Variants in RPN2 observed in about 807,000 individuals in gnomAD.
RPN2 encodes dolichyl-diphosphooligosaccharide--protein glycosyltransferase subunit 2.
Under a neutral mutation model 71.4 loss-of-function variants are expected in RPN2, and 29 were observed. The ratio of observed to expected loss-of-function variants is 0.41; its 90% CI spans 0.30 to 0.55. RPN2 has a LOEUF of 0.55. Ranked by LOEUF, RPN2 falls within the 20% of genes least tolerant of loss-of-function variation. The pLI is 0.35. For missense variants in RPN2, 726 were observed against 774.1 expected (o/e 0.94, Z 0.74); for synonymous variants, 308 against 305.0 (o/e 1.01, Z -0.10).
At chr20:37,225,199 G>GA (rs1227800090) in intron 10 of RPN2, among the ~76,000 whole-genome samples, 3 of 151,964 alleles carry the variant, frequency 2.0e-5, no homozygotes, top group Admixed American at 6.6e-5. Context: ...CAGTGTCCAG[G>GA]AAAAAAATAT....
At chr20:37,208,218 C>T (rs1031254553) in intron 7 of RPN2, among the ~76,000 whole-genome samples, 2 of 149,996 alleles carry the variant, frequency 1.3e-5, no homozygotes, top group African/African-American at 4.9e-5. Flanking sequence ...TGCAGTGAGC[C>T]GAGACTGCAC....
intron 2 of RPN2, 107 bp from the exon 3 acceptor site, chr20:37,198,290 T>G: frequency 6.3e-7 from 1 of 1,590,324 alleles, no homozygotes. Flanking sequence ...TGTAGCTCAT[T>G]CCTTAAGCCA....
At chr20:37,214,749 G>T (rs1236698259) in intron 9 of RPN2, among the ~76,000 whole-genome samples, 1 of 152,124 alleles carries the variant, frequency 6.6e-6, no homozygotes, top group Non-Finnish European at 1.5e-5. Context: ...ATATGATGTC[G>T]ATATGTCTTA....
In RPN2 at chr20:37,179,385, T is replaced by C. The variant is rs777736070; in HGVS notation, c.13+16T>C. ...GCGCCGCCGGGTGAGGAGTTGCGCG[T>C]GGCTTTGGGGAGAGGGCTGTCGCCC... On this transcript the variant is annotated intron_variant, in intron 1 of 16. Transcript: ENST00000237530. 4 of 294,404 alleles carry C rather than the reference T, an allele frequency of 1.4e-5. No individual in the cohort carries two copies. The African/African-American group carries it at 4.6e-4, about 34-fold the overall frequency. The allele number at this position is 294,404 out of a possible 1,614,324, so 18.2% of individuals were successfully genotyped here.
intron 4 of RPN2, among the ~76,000 whole-genome samples, chr20:37,199,720 A>G (rs975319275): frequency 1.3e-5 from 2 of 151,948 alleles, no homozygotes; most frequent in South Asian, 2.1e-4. Context: ...AGACTCTACT[A>G]CTCTGCAAAA....
intron 6 of RPN2, among the ~76,000 whole-genome samples, chr20:37,205,606 T>G (rs548848810): frequency 2.0e-5 from 3 of 152,340 alleles, no homozygotes; most frequent in African/African-American, 7.2e-5. Context: ...TTATGCATTA[T>G]GAGTTTTGTG....
intron 16 of RPN2, among the ~76,000 whole-genome samples, chr20:37,237,417 T>C (rs1310387248): frequency 6.6e-6 from 1 of 152,232 alleles, no homozygotes; most frequent in Non-Finnish European, 1.5e-5. Context: ...AGAATTGCTT[T>C]CACCTCTGGA....
At chr20:37,205,377 A>C (rs528235119) in intron 6 of RPN2, among the ~76,000 whole-genome samples, 1 of 152,140 alleles carries the variant, frequency 6.6e-6, no homozygotes, top group Non-Finnish European at 1.5e-5. Flanking sequence ...TCTATCACAC[A>C]TCCGCCAAGA....
chr20:37,234,455 G>A (rs954131889), intron 15 of RPN2, among the ~76,000 whole-genome samples: 3 of 152,112 alleles, frequency 2.0e-5, no homozygotes, highest in Admixed American at 2.0e-4. Context: ...CTTTCCCCAC[G>A]CTATCGATCT....
chr20:37,191,026 C>T (rs1376022502), intron 2 of RPN2, among the ~76,000 whole-genome samples: 1 of 152,190 alleles, frequency 6.6e-6, no homozygotes, highest in Non-Finnish European at 1.5e-5. Flanking sequence ...CCCCTAGATA[C>T]ACTGTTGCCT....
intron 1 of RPN2, among the ~76,000 whole-genome samples, chr20:37,182,644 C>T (rs1201600722): frequency 1.3e-5 from 2 of 152,196 alleles, no homozygotes; most frequent in African/African-American, 4.8e-5. Flanking sequence ...ATCCGCCTGC[C>T]TCAGCCTCCC....
intron 1 of RPN2, among the ~76,000 whole-genome samples, chr20:37,180,249 G>A (rs937881219): frequency 6.6e-6 from 1 of 152,210 alleles, no homozygotes; most frequent in South Asian, 2.1e-4. Flanking sequence ...AGAAGTTCAG[G>A]ATAGTAAAGT....
At position 37,233,641 on chromosome 20, in the gene RPN2, C is replaced by T. The variant is rs183068991; in HGVS notation, c.1678-379C>T. On this transcript the variant is annotated intron_variant, in intron 14 of 16. Transcript: ENST00000237530. Reference sequence around the variant, plus strand: ...CAAGAGCGTGAATGCCACCAGCTGCCGGTGGGTTTATCTTACCAATTCTTA... The same window carrying T: ...CAAGAGCGTGAATGCCACCAGCTGCTGGTGGGTTTATCTTACCAATTCTTA... Among the ~76,000 whole-genome samples the T allele has an allele frequency of 2.9e-3, 437 of 152,280 alleles. 2 individuals carry two copies. Among genetic ancestry groups the T allele is most frequent in the African/African-American group, 9.9e-3 (410 of 41,544 alleles).
chr20:37,213,879 T>C lies in RPN2; in HGVS notation c.1092+14T>C, dbSNP rs368795461. On this transcript the variant is annotated intron_variant, in intron 9 of 16. Transcript: ENST00000237530. Reference sequence around the variant, plus strand: ...AATACCGTAGAGGTAGGTGTTTTTCTTTCCTTCCCATTGCCATGTTAGTAT... The same window carrying C: ...AATACCGTAGAGGTAGGTGTTTTTCCTTCCTTCCCATTGCCATGTTAGTAT... 1.3e-6 allele frequency: 2 copies of C among 1,581,154 alleles called. No individual in the cohort carries two copies. Among genetic ancestry groups the C allele is most frequent in the African/African-American group, 2.7e-5 (2 of 74,264 alleles).
At chr20:37,197,893 G>A (rs529891262) in intron 2 of RPN2, among the ~76,000 whole-genome samples, 1 of 152,256 alleles carries the variant, frequency 6.6e-6, no homozygotes, top group South Asian at 2.1e-4. Flanking sequence ...TGCACCCAGC[G>A]TTAAGCTCAT....
intron 2 of RPN2, among the ~76,000 whole-genome samples, chr20:37,189,174 A>T (rs1200099797): frequency 1.3e-5 from 2 of 152,064 alleles, no homozygotes. Flanking sequence ...ACCTCAGGTG[A>T]TCCACCCGCC....
intron 2 of RPN2, among the ~76,000 whole-genome samples, chr20:37,195,755 A>G (rs1356826606): frequency 2.0e-5 from 3 of 152,112 alleles, no homozygotes; most frequent in Non-Finnish European, 4.4e-5. Flanking sequence ...ACACATTTTC[A>G]GCTGCCTTGC....
rs1000328675 is a variant in RPN2, at chr20:37,198,991, G to A, written c.304-59G>A. 6 of 1,390,770 alleles carry A rather than the reference G, an allele frequency of 4.3e-6. No individual in the cohort carries two copies. In the African/African-American group the frequency reaches 8.5e-5, roughly 20 times the overall value. 86.2% of individuals were successfully genotyped at this position (1,390,770 alleles called of 1,614,324 possible). On this transcript the variant is annotated intron_variant, in intron 3 of 16. Coordinates refer to ENST00000237530, the MANE Select transcript of RPN2 (RefSeq NM_002951.5). ...CTGCTCCGCATTCTGTCTTTGCCAT[G>A]CCTGCCACAAATTGCCAAGACCTGT...
intron 2 of RPN2, among the ~76,000 whole-genome samples, chr20:37,196,208 C>T (rs553124597): frequency 3.3e-5 from 5 of 151,554 alleles, no homozygotes; most frequent in African/African-American, 4.9e-5. Context: ...TACAGGTGAG[C>T]GCCACCGTGC....
Sources: gnomAD v4.1 joint callset for allele counts (sites outside exome capture counted in the v4.1 genomes callset) on GRCh38, gnomAD v4.1.1 for gene constraint, MANE v1.5 for transcripts, NCBI Gene and HGNC (gene_info 2026-07-23, HGNC 2026-07-21) for gene names.